Variants in DTNA observed in about 807,000 individuals in gnomAD.
The protein encoded by DTNA is dystrobrevin alpha, also known as dystrophin-related protein 3.
DTNA carries 43 observed loss-of-function variants against 100.7 expected under a neutral mutation model. The observed-to-expected ratio is 0.43, with a 90% confidence interval of 0.33 to 0.55. The LOEUF is 0.55. DTNA is among the 20% of genes least tolerant of loss of function. The probability of loss-of-function intolerance (pLI) is 0.04; values close to 1 mark genes in which losing one functional copy is unlikely to be tolerated. For synonymous variants in DTNA, 349 were observed against 347.9 expected, an observed-to-expected ratio of 1.00 and a Z score of -0.04; for missense variants, 798 against 953.9, an observed-to-expected ratio of 0.84 and a Z score of 2.15.
chr18:34,717,508 G>C (rs776700114), intron 1 of DTNA, among the ~76,000 whole-genome samples: 2 of 152,056 alleles, frequency 1.3e-5, no homozygotes, highest in Non-Finnish European at 1.5e-5. Context: ...GAGAAGTGTT[G>C]GTCTCAAGTA....
chr18:34,521,174 A>G (rs911387868), intron 1 of DTNA, among the ~76,000 whole-genome samples: 4 of 152,064 alleles, frequency 2.6e-5, no homozygotes, highest in African/African-American at 9.7e-5. Context: ...CCCTCATCCC[A>G]GTATGTTTCC....
intron 17 of DTNA, chr18:34,867,549 T>TC (rs1301809510): frequency 2.8e-5 from 31 of 1,125,144 alleles, no homozygotes; most frequent in East Asian, 9.4e-5. Context: ...ATGGCTTCTT[T>TC]CCTCTCCTGT....
chr18:34,675,848 AGCATCAGGT>A lies in DTNA; in HGVS notation c.-1-80124_-1-80116del, dbSNP rs377154074. On this transcript the variant is annotated intron_variant, in intron 1 of 19. Coordinates refer to the DTNA transcript ENST00000283365. The stretch of plus-strand genomic sequence containing the variant: ...ATACTATGTGCCAGCCACCATTCTA[AGCATCAGGT>A]GCACAACAATGAAAAAAGTTCCTGC... 7.3e-3 allele frequency among the ~76,000 whole-genome samples: 1,115 copies of A among 152,288 alleles called. 8 individuals are homozygous for A. The highest frequency in any genetic ancestry group is 0.025 in the African/African-American group (1,053 of 41,550).
intron 1 of DTNA, among the ~76,000 whole-genome samples, chr18:34,645,907 A>G (rs1444526822): frequency 1.3e-5 from 2 of 152,148 alleles, no homozygotes; most frequent in African/African-American, 4.8e-5. Flanking sequence ...GTACATCTCC[A>G]TCACCTATTC....
intron 1 of DTNA, among the ~76,000 whole-genome samples, chr18:34,504,986 C>G (rs956964221): frequency 3.3e-5 from 5 of 152,154 alleles, no homozygotes; most frequent in Admixed American, 2.0e-4. Context: ...TTGTTATTGT[C>G]ACACATTGTA....
chr18:34,677,073 G>T (rs1171122290), intron 1 of DTNA, among the ~76,000 whole-genome samples: 1 of 152,140 alleles, frequency 6.6e-6, no homozygotes, highest in Non-Finnish European at 1.5e-5. Flanking sequence ...GCCAAGAATG[G>T]TAGGGATGGA....
At chr18:34,741,710 C>A (rs1003048649) in intron 1 of DTNA, among the ~76,000 whole-genome samples, 11 of 152,068 alleles carry the variant, frequency 7.2e-5, no homozygotes, top group Admixed American at 1.3e-4. Context: ...TGGCATTTAT[C>A]AGATATGCAA....
intron 11 of DTNA, among the ~76,000 whole-genome samples, chr18:34,835,143 T>C (rs189475784): frequency 6.6e-6 from 1 of 152,170 alleles, no homozygotes; most frequent in Non-Finnish European, 1.5e-5. Context: ...TGGAAACAGA[T>C]GATGAGAAGA....
intron 18 of DTNA, among the ~76,000 whole-genome samples, chr18:34,876,690 AAC>A (rs2096822118): frequency 6.6e-6 from 1 of 152,224 alleles, no homozygotes; most frequent in Admixed American, 6.5e-5. Flanking sequence ...ATAAAATCTT[AAC>A]ACACTTCAAT....
At chr18:34,785,134 C>T (rs969880057) in intron 3 of DTNA, among the ~76,000 whole-genome samples, 1 of 151,952 alleles carries the variant, frequency 6.6e-6, no homozygotes, top group Non-Finnish European at 1.5e-5. Context: ...AGGATGGTCT[C>T]AATCTCCTGA....
chr18:34,543,604 T>G (rs2044469148), intron 1 of DTNA, among the ~76,000 whole-genome samples: 1 of 152,108 alleles, frequency 6.6e-6, no homozygotes, highest in Non-Finnish European at 1.5e-5. Flanking sequence ...ATGCTGTAGC[T>G]ACCTGCTAAC....
chr18:34,503,671 T>C (rs2040186021), intron 1 of DTNA, among the ~76,000 whole-genome samples: 1 of 152,184 alleles, frequency 6.6e-6, no homozygotes, highest in Admixed American at 6.5e-5. Context: ...TAAATATTAA[T>C]ACAATACTTT....
At chr18:34,811,002 T>C (rs553880707) in intron 5 of DTNA, among the ~76,000 whole-genome samples, 2 of 152,310 alleles carry the variant, frequency 1.3e-5, no homozygotes, top group Admixed American at 1.3e-4. Flanking sequence ...AAAAACAATG[T>C]TCCCAGATTA....
intron 1 of DTNA, among the ~76,000 whole-genome samples, chr18:34,587,744 CCAAA>C (rs2049285623): frequency 6.6e-6 from 1 of 151,930 alleles, no homozygotes; most frequent in African/African-American, 2.4e-5. Context: ...TCTACTTGGG[CCAAA>C]CACTTTCTAA....
intron 1 of DTNA, among the ~76,000 whole-genome samples, chr18:34,685,079 T>A (rs1046174233): frequency 1.3e-5 from 2 of 152,224 alleles, no homozygotes; most frequent in African/African-American, 4.8e-5. Context: ...AAAAATTTTC[T>A]CCCATTCTGT....
chr18:34,801,050 C>A (rs191439958), intron 4 of DTNA, among the ~76,000 whole-genome samples: 1 of 152,166 alleles, frequency 6.6e-6, no homozygotes, highest in African/African-American at 2.4e-5. Flanking sequence ...AAACACCCTA[C>A]AAATCACTAT....
At chr18:34,570,451 G>C (rs1472995695) in intron 1 of DTNA, among the ~76,000 whole-genome samples, 1 of 152,224 alleles carries the variant, frequency 6.6e-6, no homozygotes, top group Non-Finnish European at 1.5e-5. Flanking sequence ...AGCAGGGACA[G>C]AGTCTTAATT....
intron 1 of DTNA, among the ~76,000 whole-genome samples, chr18:34,563,689 G>C (rs536472568): frequency 6.6e-6 from 1 of 152,188 alleles, no homozygotes; most frequent in South Asian, 2.1e-4. Context: ...AGTTATAACT[G>C]ACAAATTAAA....
At position 34,890,038 on chromosome 18, in the gene DTNA, A is replaced by T; in HGVS notation, c.*2304A>T. The T allele has an allele frequency of 7.7e-7, 1 of 1,292,618 alleles. No individual in the cohort carries two copies. The highest frequency in any genetic ancestry group is 2.2e-5 in the South Asian group (1 of 45,078). The allele number at this position is 1,292,618 out of a possible 1,614,324, so 80.1% of individuals were successfully genotyped here. ...TCATAGCCAGGTAGTTCTTGAACTC[A>T]GAACTTAAATCCTGCACGTGGCACT... On this transcript the variant is annotated 3_prime_UTR_variant, in exon 23 of 23. Coordinates refer to ENST00000444659, the MANE Select transcript of DTNA (RefSeq NM_001386795.1).
Sources: allele counts gnomAD v4.1 joint callset (sites outside exome capture counted in the v4.1 genomes callset), GRCh38; gene constraint gnomAD v4.1.1; transcripts MANE v1.5; gene names NCBI Gene and HGNC (gene_info 2026-07-23, HGNC 2026-07-21).